The following FAT4 variants were observed in gnomAD, a reference collection of about 807,000 sequenced individuals.
The protein encoded by FAT4 is FAT atypical cadherin 4, also known as protocadherin Fat 4.
Under a neutral mutation model 303.9 loss-of-function variants are expected in FAT4, and 84 were observed. The ratio of observed to expected loss-of-function variants is 0.28; its 90% CI spans 0.23 to 0.33. The LOEUF (loss-of-function observed/expected upper bound fraction) is 0.33, where lower values mean the gene tolerates loss of function less well. Ranked by LOEUF, FAT4 falls within the 10% of genes least tolerant of loss-of-function variation. The pLI is 1.00. For missense variants in FAT4, 6,005 were observed against 6,146.8 expected, an observed-to-expected ratio of 0.98 and a Z score of 0.77; for synonymous variants, 2,307 against 2,298.8, an observed-to-expected ratio of 1.00 and a Z score of -0.10.
At position 125,452,516 on chromosome 4, in the gene FAT4, C is replaced by T; in HGVS notation, c.11506C>T (p.Pro3836Ser). The change falls in exon 10 of 18, where the codon CCA becomes TCA. Residue 3836 changes from proline (P) to serine (S), a missense_variant. Pro to Ser is a moderately conservative substitution (Grantham distance 74). Transcript: ENST00000394329. ...CGTATTAAAAAGCCGTGAGAGTCTT[C>T]CAGTCATCATCGTGGCAAATGAACC... ...SSVLKSRESL[P>S]VIIVANEPLQ... 1 of 1,614,060 alleles carries T rather than the reference C, an allele frequency of 6.2e-7. No homozygotes were observed. Among genetic ancestry groups the T allele is most frequent in the Non-Finnish European group, 8.5e-7 (1 of 1,180,024 alleles).
At position 125,316,750 on chromosome 4, in the gene FAT4, C is replaced by T. The variant is rs775762789; in HGVS notation, c.339C>T (p.Ser113=). The T allele has an allele frequency of 8.1e-6, 13 of 1,613,886 alleles. No individual in the cohort carries two copies. ...SDVINLVVLS[S]APTYPTEVRV... ...TGATCAACCTGGTGGTCCTTTCCAG[C>T]GCGCCCACCTACCCCACCGAAGTGC... Residue 113 remains serine (S), a synonymous_variant, in exon 2 of 18, where the codon AGC becomes AGT. Transcript: ENST00000394329. This position sits in a 1 kb window ranked among gnomAD's most constrained non-coding sequence, Gnocchi z 5.7.
In FAT4 at chr4:125,491,755, A is replaced by C; in HGVS notation, c.14939A>C (p.Glu4980Ala). Residue 4980 changes from glutamate to alanine, a missense_variant, in exon 18 of 18, where the codon GAA becomes GCA. Transcript: ENST00000394329. ...CCAGTCCCCAAAGATGGGGAAGCAG[A>C]ACAGTATGTGTGAAGTTTATGTACT... The part of the protein sequence containing the change: ...TKPVPKDGEA[E>A]QYV The C allele has an allele frequency of 6.2e-7, 1 of 1,611,384 alleles. No homozygotes were observed. The highest frequency in any genetic ancestry group is 8.5e-7 in the Non-Finnish European group (1 of 1,178,718).
intron 2 of FAT4, among the ~76,000 whole-genome samples, chr4:125,325,886 A>T (rs1319245322): frequency 6.6e-6 from 1 of 152,114 alleles, no homozygotes; most frequent in Non-Finnish European, 1.5e-5. Context: ...TTGCTTTTGC[A>T]CCTCTAGCAT....
At chr4:125,478,612 A>C (rs924734406) in intron 14 of FAT4, among the ~76,000 whole-genome samples, 1 of 151,814 alleles carries the variant, frequency 6.6e-6, no homozygotes, top group Non-Finnish European at 1.5e-5. Flanking sequence ...GCCCCCTGCA[A>C]CCTCCACCTC....
intron 10 of FAT4, among the ~76,000 whole-genome samples, chr4:125,458,018 A>G (rs1263046271): frequency 6.6e-6 from 1 of 151,582 alleles, no homozygotes; most frequent in African/African-American, 2.4e-5. Flanking sequence ...CTTCATGGGA[A>G]TGGATGGTGT....
At chr4:125,373,932 T>C (rs181616505) in intron 2 of FAT4, among the ~76,000 whole-genome samples, 4 of 152,222 alleles carry the variant, frequency 2.6e-5, no homozygotes, top group Non-Finnish European at 4.4e-5. Flanking sequence ...ATAAGGACTA[T>C]GTATATATGA....
Position 125,391,670 on chromosome 4 carries a change from A to G in FAT4, c.5176-7114A>G, listed in dbSNP as rs187412344. ...AGAAGAAATGTTTTGTTTTAAAAGA[A>G]AAAAATAGTAAGTCATTATTATGAG... On this transcript the variant is annotated intron_variant, in intron 2 of 17. Coordinates refer to ENST00000394329, the MANE Select transcript of FAT4 (RefSeq NM_001291303.3). Among the ~76,000 whole-genome samples the G allele has an allele frequency of 1.0e-3, 155 of 152,314 alleles. 2 individuals carry two copies. The highest frequency in any genetic ancestry group is 3.4e-3 in the Middle Eastern group (1 of 294).
At chr4:125,344,773 C>T (rs1269929969) in intron 2 of FAT4, among the ~76,000 whole-genome samples, 1 of 151,956 alleles carries the variant, frequency 6.6e-6, no homozygotes, top group Non-Finnish European at 1.5e-5. Context: ...AATTGTAATG[C>T]TTACCCCATT....
intron 5 of FAT4, among the ~76,000 whole-genome samples, chr4:125,413,199 T>C (rs1053186242): frequency 6.6e-5 from 10 of 151,862 alleles, no homozygotes; most frequent in Non-Finnish European, 7.4e-5. Context: ...ATTTTTATCC[T>C]CTAAAGCCTG....
At chr4:125,446,573 A>G in intron 9 of FAT4, 30 bp downstream of exon 9, 1 of 1,548,384 alleles carries the variant, frequency 6.5e-7, no homozygotes, top group Non-Finnish European at 8.8e-7. Context: ...GGCCACATGG[A>G]TATAAACAAA....
Position 125,408,552 on chromosome 4 carries a change from C to T in FAT4, c.5678C>T (p.Pro1893Leu). The T allele has an allele frequency of 1.2e-6, 2 of 1,612,414 alleles. No individual in the cohort carries two copies. Among genetic ancestry groups the T allele is most frequent in the South Asian group, 1.1e-5 (1 of 91,022 alleles). The change falls in exon 5 of 18, where the codon CCT becomes CTT. Residue 1893 changes from proline to leucine, a missense_variant. By Grantham distance (98) the Pro-to-Leu change is moderately conservative. Coordinates refer to ENST00000394329, the MANE Select transcript of FAT4 (RefSeq NM_001291303.3). ...DDEDGIFFLN[P>L]ITGVFNLTRL... ...GAAGATGGCATCTTTTTCCTGAATC[C>T]TATTACTGGGGTCTTTAATTTGACT... is the stretch of plus-strand genomic sequence containing the variant.
intron 10 of FAT4, among the ~76,000 whole-genome samples, chr4:125,453,522 CA>C (rs1375146141): frequency 6.6e-6 from 1 of 152,026 alleles, no homozygotes; most frequent in Non-Finnish European, 1.5e-5. Flanking sequence ...TCCTGGCCAA[CA>C]TGTGAAAACC....
chr4:125,389,381 A>C (rs915211451), intron 2 of FAT4, among the ~76,000 whole-genome samples: 9 of 152,172 alleles, frequency 5.9e-5, no homozygotes, highest in African/African-American at 2.2e-4. Context: ...ATAACGTAAT[A>C]AAATGGCCTT....
At chr4:125,345,481 A>G (rs1383356105) in intron 2 of FAT4, among the ~76,000 whole-genome samples, 1 of 151,908 alleles carries the variant, frequency 6.6e-6, no homozygotes, top group Non-Finnish European at 1.5e-5. Flanking sequence ...GGTGACAAAA[A>G]TACTTATTAT....
rs1369582407 is a variant in FAT4, at chr4:125,489,134, T to G, written c.13085-767T>G. On this transcript the variant is annotated intron_variant, in intron 17 of 17. Transcript: ENST00000394329. ...ATAAGTCCTTTTTATATGGTTATTA[T>G]AGAATGTTGTGAGAAAACAAACCAA... 2.0e-5 allele frequency among the ~76,000 whole-genome samples: 3 copies of G among 152,328 alleles called. No homozygotes were observed. In the East Asian group the frequency reaches 5.8e-4, roughly 29 times the overall value.
intron 10 of FAT4, among the ~76,000 whole-genome samples, chr4:125,453,014 A>G (rs1419846951): frequency 7.2e-5 from 11 of 152,186 alleles, no homozygotes; most frequent in Non-Finnish European, 4.4e-5. Flanking sequence ...AAAACTTATG[A>G]GGTAGGAATA....
At chr4:125,456,003 C>T (rs78685531) in intron 10 of FAT4, among the ~76,000 whole-genome samples, 3,786 of 152,262 alleles carry the variant, frequency 0.025, 165 homozygotes, top group African/African-American at 0.088. Context: ...TCCTCTTGCC[C>T]ACCTGCAGTG....
chr4:125,328,375 A>G (rs986115034), intron 2 of FAT4, among the ~76,000 whole-genome samples: 19 of 152,244 alleles, frequency 1.2e-4, no homozygotes, highest in Admixed American at 9.2e-4. Flanking sequence ...TAAGTCATGA[A>G]GAGGAAACAA....
intron 5 of FAT4, among the ~76,000 whole-genome samples, chr4:125,413,676 C>T (rs1298847744): frequency 6.6e-6 from 1 of 151,738 alleles, no homozygotes; most frequent in Non-Finnish European, 1.5e-5. Context: ...TTAAATTTGA[C>T]TTCTTAAAGA....
Sources: allele counts gnomAD v4.1 joint callset (sites outside exome capture counted in the v4.1 genomes callset), GRCh38; gene constraint gnomAD v4.1.1; non-coding constraint Gnocchi (gnomAD v3.1); transcripts MANE v1.5; gene names NCBI Gene and HGNC (gene_info 2026-07-23, HGNC 2026-07-21).